Variants in MEF2C observed in about 807,000 individuals in gnomAD.
MEF2C encodes the protein myocyte enhancer factor 2C.
In MEF2C, 6 loss-of-function variants were observed where a neutral mutation model predicts 50.5. That is an observed-to-expected ratio of 0.12 (90% CI 0.07 to 0.23). The LOEUF (loss-of-function observed/expected upper bound fraction) is 0.23. Among genes scored for constraint, MEF2C ranks in the 10% least tolerant of loss-of-function variants. The probability of loss-of-function intolerance (pLI) is 1.00; values close to 1 mark genes in which losing one functional copy is unlikely to be tolerated. For synonymous variants in MEF2C, 183 were observed against 228.0 expected (o/e 0.80, Z 1.78); for missense variants, 276 against 605.0 (o/e 0.46, Z 5.70).
intron 4 of MEF2C, among the ~76,000 whole-genome samples, chr5:88,759,793 T>C (rs1006087772): frequency 3.9e-5 from 6 of 152,214 alleles, no homozygotes; most frequent in African/African-American, 7.2e-5. Flanking sequence ...AAGAAGCAGA[T>C]AGGTATTTAT....
At chr5:88,735,393 T>C (rs1763682625) in intron 6 of MEF2C, 1 of 985,234 alleles carries the variant, frequency 1.0e-6, no homozygotes, top group Non-Finnish European at 1.2e-6. Context: ...CAATTATCAA[T>C]TTAGACGTGA....
rs540336809 is a variant in MEF2C, at chr5:88,720,990, A to T, written c.*1614T>A. The stretch of plus-strand genomic sequence containing the variant: ...TCAAGGGTCAGTTAAAATAATTAAA[A>T]ACGGATGACAAAGCAACTATCCCTT... On this transcript the variant is annotated 3_prime_UTR_variant, in exon 11 of 11. Transcript: ENST00000504921. The T allele has an allele frequency of 6.5e-6, 1 of 152,714 alleles. No individual in the cohort carries two copies. The highest frequency in any genetic ancestry group is 2.4e-5 in the African/African-American group (1 of 41,570). 9.5% of individuals were successfully genotyped at this position (152,714 alleles called of 1,614,324 possible).
At chr5:88,828,622 C>A (rs1245488226) in intron 1 of MEF2C, among the ~76,000 whole-genome samples, 1 of 151,958 alleles carries the variant, frequency 6.6e-6, no homozygotes, top group Admixed American at 6.6e-5. Context: ...ATTGCTAAAT[C>A]AAATAATTAA....
chr5:88,787,722 T>C (rs1791653104), intron 3 of MEF2C, among the ~76,000 whole-genome samples: 1 of 152,216 alleles, frequency 6.6e-6, no homozygotes, highest in African/African-American at 2.4e-5. Context: ...AAACCAATCA[T>C]GGAGTCTGGA....
chr5:88,747,769 T>C (rs1770603492), intron 6 of MEF2C, among the ~76,000 whole-genome samples: 2 of 152,190 alleles, frequency 1.3e-5, no homozygotes, highest in African/African-American at 4.8e-5. Flanking sequence ...TTTCTTATAT[T>C]ATATCTTGGT....
chr5:88,891,895 G>T (rs1834619905), intron 1 of MEF2C, among the ~76,000 whole-genome samples: 1 of 152,008 alleles, frequency 6.6e-6, no homozygotes, highest in Non-Finnish European at 1.5e-5. Flanking sequence ...AATTAGGAGT[G>T]AACTGTTGGT....
intron 2 of MEF2C, among the ~76,000 whole-genome samples, chr5:88,821,429 T>C (rs1407746436): frequency 6.6e-6 from 1 of 151,910 alleles, no homozygotes; most frequent in Non-Finnish European, 1.5e-5. Context: ...AGTTAATTTT[T>C]TTTTAACTTT....
At chr5:88,857,631 C>A (rs159948) in intron 1 of MEF2C, among the ~76,000 whole-genome samples, 3,803 of 152,134 alleles carry the variant, frequency 0.025, 159 homozygotes, top group African/African-American at 0.086. Context: ...GGGGTAGTTC[C>A]CCCGTACTGT....
At position 88,734,565 on chromosome 5, in the gene MEF2C, G is replaced by GTTTTTTT. The variant is rs66505441; in HGVS notation, c.638-2671_638-2665dup. 1,523 of 541,082 alleles carry GTTTTTTT rather than the reference G, an allele frequency of 2.8e-3. 99 individuals are homozygous for GTTTTTTT. The highest frequency in any genetic ancestry group is 8.2e-3 in the Middle Eastern group (7 of 852). 33.5% of individuals were successfully genotyped at this position (541,082 alleles called of 1,614,324 possible). A position where few individuals can be genotyped will look rare whatever the true frequency, so the allele number is the denominator to read the frequency against. On this transcript the variant is annotated intron_variant, in intron 6 of 10. Transcript: ENST00000504921. ...TTCACGGAGGCCTTGAGAAAAGTTT[G>GTTTTTTT]TTTTTTTTTTTTTTTTTTTTTTTTT...
Position 88,731,741 on chromosome 5 carries a change from C to T in MEF2C, c.798G>A (p.Thr266=), listed in dbSNP as rs761222463. Residue 266 remains threonine (T), a synonymous_variant, in exon 7 of 11, where the codon ACG becomes ACA. Transcript: ENST00000504921. ...RVLIPPGSKN[T]MPSVSEDVDL... ...AGTTTTGTATTACCACTGATGGCAT[C>T]GTATTCTTGCTGCCTGGTGGAATAA... The T allele has an allele frequency of 9.3e-6, 15 of 1,612,842 alleles. No homozygotes were observed. Among genetic ancestry groups the T allele is most frequent in the East Asian group, 6.7e-5 (3 of 44,880 alleles).
intron 4 of MEF2C, among the ~76,000 whole-genome samples, chr5:88,759,970 T>G (rs1777121841): frequency 6.6e-6 from 1 of 152,262 alleles, no homozygotes. Context: ...TCTGCACTTG[T>G]AATCACCAAA....
intron 4 of MEF2C, 29 bp downstream of exon 4, chr5:88,761,156 A>T: frequency 6.2e-7 from 1 of 1,614,000 alleles, no homozygotes; most frequent in Non-Finnish European, 8.5e-7. Context: ...TCAAGAGTAA[A>T]AAAAATGAAG....
At position 88,788,182 on chromosome 5, in the gene MEF2C, A is replaced by G. The variant is rs6859020; in HGVS notation, c.258+16416T>C. Among the ~76,000 whole-genome samples the G allele has an allele frequency of 5.7e-3, 356 of 62,600 alleles. 1 individual carries two copies. Among genetic ancestry groups the G allele is most frequent in the African/African-American group, 0.022 (310 of 14,200 alleles). 41.1% of individuals were successfully genotyped at this position (62,600 alleles called of 152,430 possible). On this transcript the variant is annotated intron_variant, in intron 3 of 10. Transcript: ENST00000504921. ...ATCATGCCAGTTTGTTTGTTTGTTT[A>G]TTTATTTATTTATTTATTTATTTAT...
chr5:88,799,840 T>A (rs1404562490), intron 3 of MEF2C, among the ~76,000 whole-genome samples: 1 of 150,200 alleles, frequency 6.7e-6, no homozygotes, highest in Non-Finnish European at 1.5e-5. Context: ...TCTCCCTATG[T>A]CCCTTTCCTT....
At chr5:88,872,859 C>G (rs1339070381) in intron 1 of MEF2C, among the ~76,000 whole-genome samples, 1 of 151,874 alleles carries the variant, frequency 6.6e-6, no homozygotes, top group Non-Finnish European at 1.5e-5. Flanking sequence ...AATCATTATT[C>G]TTTATTGTTT....
chr5:88,749,340 A>C (rs1373574735), intron 5 of MEF2C: 1 of 983,644 alleles, frequency 1.0e-6, no homozygotes, highest in African/African-American at 1.7e-5. Flanking sequence ...TTTTCTAAGA[A>C]AGTTACATTT....
chr5:88,794,817 G>C (rs1795313025), intron 3 of MEF2C, among the ~76,000 whole-genome samples: 1 of 151,966 alleles, frequency 6.6e-6, no homozygotes, highest in Non-Finnish European at 1.5e-5. Context: ...TTATTTTTTT[G>C]TATAAGGTGT....
intron 1 of MEF2C, among the ~76,000 whole-genome samples, chr5:88,874,298 T>A (rs976580239): frequency 6.6e-6 from 1 of 151,942 alleles, no homozygotes; most frequent in African/African-American, 2.4e-5. Context: ...TATCTGACAA[T>A]ACCAACGGGT....
chr5:88,845,851 C>T (rs1819130480), intron 1 of MEF2C, among the ~76,000 whole-genome samples: 1 of 152,064 alleles, frequency 6.6e-6, no homozygotes, highest in South Asian at 2.1e-4. Context: ...CTGCCTCAGC[C>T]TCCCAAGTAG....
Sources: gnomAD v4.1 joint callset for allele counts (sites outside exome capture counted in the v4.1 genomes callset) on GRCh38, gnomAD v4.1.1 for gene constraint, MANE v1.5 for transcripts, NCBI Gene and HGNC (gene_info 2026-07-23, HGNC 2026-07-21) for gene names.